NUP160: variants seen among roughly 807,000 people sequenced by gnomAD.
NUP160 encodes nuclear pore complex protein Nup160.
NUP160 carries 94 observed loss-of-function variants against 196.9 expected under a neutral mutation model. The ratio of observed to expected loss-of-function variants is 0.48; its 90% CI spans 0.40 to 0.57. The LOEUF is 0.57. Among genes scored for constraint, NUP160 ranks in the 20% least tolerant of loss-of-function variants. NUP160 has a pLI of 0.00. For synonymous variants in NUP160, 605 were observed against 619.7 expected (o/e 0.98, Z 0.35); for missense variants, 1,638 against 1,748.3 (o/e 0.94, Z 1.13).
intron 25 of NUP160, 42 bp from the exon 26 acceptor site, chr11:47,798,116 A>T: frequency 6.5e-7 from 1 of 1,535,944 alleles, no homozygotes; most frequent in Non-Finnish European, 9.0e-7. Flanking sequence ...CTATCTTAGT[A>T]GGTTAAACAG....
intron 30 of NUP160, 49 bp from the exon 31 acceptor site, chr11:47,788,354 T>C (rs1209509820): frequency 5.6e-6 from 9 of 1,610,380 alleles, no homozygotes; most frequent in African/African-American, 1.3e-5. Flanking sequence ...TATACACAAA[T>C]GAAACCAAAG....
intron 35 of NUP160, chr11:47,779,500 A>C: frequency 5.9e-6 from 3 of 510,768 alleles, no homozygotes; most frequent in South Asian, 4.5e-5. Flanking sequence ...GCTGCATCTG[A>C]TATAACTAGT....
chr11:47,837,114 C>G (rs1852192337), intron 5 of NUP160, 113 bp from the exon 6 acceptor site: 1 of 591,846 alleles, frequency 1.7e-6, no homozygotes, highest in Non-Finnish European at 3.0e-6. Flanking sequence ...AGCAGAAGGA[C>G]CAAGAGCTTA....
Position 47,788,491 on chromosome 11 carries a change from G to T in NUP160, c.3622+10C>A. ...GACAAGTCAGAGGCTTTAAACTCTTGAATTCCTACCAGCAACTGCAACCGC... is the reference window on the plus strand; with the variant it reads ...GACAAGTCAGAGGCTTTAAACTCTTTAATTCCTACCAGCAACTGCAACCGC... On this transcript the variant is annotated intron_variant, in intron 30 of 35. Coordinates refer to ENST00000378460, the Ensembl canonical transcript of NUP160. 5 of 1,609,790 alleles carry T rather than the reference G, an allele frequency of 3.1e-6. No individual in the cohort carries two copies. The highest frequency in any genetic ancestry group is 1.1e-5 in the South Asian group (1 of 90,910).
At chr11:47,808,210 GGCGGAGGTT>G (rs1174237091) in intron 18 of NUP160, among the ~76,000 whole-genome samples, 177 bp downstream of exon 18, 1 of 152,196 alleles carries the variant, frequency 6.6e-6, no homozygotes. Flanking sequence ...GAACCTGGGA[GGCGGAGGTT>G]GCAGTGAGCC....
chr11:47,816,304 T>C (rs1359183091), intron 11 of NUP160, among the ~76,000 whole-genome samples: 1 of 152,144 alleles, frequency 6.6e-6, no homozygotes, highest in East Asian at 1.9e-4. Context: ...CCACAAGAGG[T>C]AGTGACAAAG....
chr11:47,848,265 C>G (rs1395052983), exon 1 of NUP160: 1 of 1,614,094 alleles, frequency 6.2e-7, no homozygotes, highest in African/African-American at 1.3e-5. Context: ...GCCTTTCGCG[C>G]TCAGCTCCGC....
At chr11:47,816,480 A>C (rs535122958) in intron 11 of NUP160, among the ~76,000 whole-genome samples, 1 of 152,254 alleles carries the variant, frequency 6.6e-6, no homozygotes, top group Non-Finnish European at 1.5e-5. Context: ...AGTAATTTAA[A>C]GAAGCCTATG....
chr11:47,836,807 G>A (rs1852184623), intron 6 of NUP160, 80 bp downstream of exon 6: 4 of 852,830 alleles, frequency 4.7e-6, no homozygotes, highest in Non-Finnish European at 7.8e-6. Flanking sequence ...ATAATCTTTA[G>A]AGAAACAGCA....
chr11:47,779,464 C>G (rs556597848), intron 35 of NUP160: 4 of 491,258 alleles, frequency 8.1e-6, no homozygotes, highest in South Asian at 5.1e-5. Context: ...AAAAGGATCA[C>G]TAACTCTTTT....
intron 27 of NUP160, among the ~76,000 whole-genome samples, chr11:47,793,737 T>C (rs1440239322): frequency 7.3e-6 from 1 of 137,720 alleles, no homozygotes; most frequent in South Asian, 2.4e-4. Flanking sequence ...TTTTTTTTTT[T>C]TTTTTTTTTT....
intron 11 of NUP160, among the ~76,000 whole-genome samples, chr11:47,817,545 C>CCAA (rs1851763745): frequency 2.0e-5 from 3 of 151,090 alleles, no homozygotes; most frequent in Non-Finnish European, 4.4e-5. Context: ...CGGGGTTTCA[C>CCAA]CATGTTGGCC....
At chr11:47,831,698 C>T (rs1395986146) in intron 7 of NUP160, among the ~76,000 whole-genome samples, 3 of 151,760 alleles carry the variant, frequency 2.0e-5, no homozygotes, top group Non-Finnish European at 4.4e-5. Flanking sequence ...AAAAACTTAG[C>T]CAGGCATGGT....
intron 13 of NUP160, chr11:47,815,193 G>A (rs2097683661): frequency 5.4e-6 from 1 of 185,842 alleles, no homozygotes; most frequent in South Asian, 1.6e-4. Flanking sequence ...ACTCCAGCCT[G>A]GGTGACAGAG....
intron 17 of NUP160, 60 bp downstream of exon 17, chr11:47,812,004 G>A: frequency 6.5e-7 from 1 of 1,532,358 alleles, no homozygotes; most frequent in Non-Finnish European, 9.0e-7. Flanking sequence ...TTGCTCCTAA[G>A]TGCTTGTAGG....
intron 35 of NUP160, 68 bp downstream of exon 35, chr11:47,780,275 T>C: frequency 9.0e-7 from 1 of 1,106,346 alleles, no homozygotes; most frequent in Non-Finnish European, 1.4e-6. Flanking sequence ...GAACTGAAGA[T>C]CAAGCTGTAA....
At chr11:47,804,980 A>G (rs920063065) in intron 20 of NUP160, among the ~76,000 whole-genome samples, 4 of 152,184 alleles carry the variant, frequency 2.6e-5, no homozygotes, top group Non-Finnish European at 5.9e-5. Context: ...CTAAAAATAA[A>G]TAAATTTTTA....
At chr11:47,788,731 TGAAG>T (rs2097666183) in intron 29 of NUP160, 120 bp from the exon 30 acceptor site, 1 of 650,020 alleles carries the variant, frequency 1.5e-6, no homozygotes, top group South Asian at 1.9e-5. Flanking sequence ...TCCAAATGCA[TGAAG>T]GAAGGAGAAA....
chr11:47,806,852 C>CACACACACAT (rs1428564239), intron 19 of NUP160, among the ~76,000 whole-genome samples: 64 of 124,306 alleles, frequency 5.1e-4, no homozygotes, highest in African/African-American at 7.9e-4. Context: ...CACACACACA[C>CACACACACAT]ATATATATAC....
Sources: allele counts gnomAD v4.1 joint callset (sites outside exome capture counted in the v4.1 genomes callset), GRCh38; gene constraint gnomAD v4.1.1; transcripts MANE v1.5; gene names NCBI Gene and HGNC (gene_info 2026-07-23, HGNC 2026-07-21).